The following CDH18 variants were observed in gnomAD, a reference collection of about 807,000 sequenced individuals.
CDH18 encodes cadherin-18.
CDH18 carries 31 observed loss-of-function variants against 67.9 expected under a neutral mutation model. The ratio of observed to expected loss-of-function variants is 0.46; its 90% CI spans 0.34 to 0.62. CDH18 has a LOEUF of 0.62. Ranked by LOEUF, CDH18 falls within the 20% of genes least tolerant of loss-of-function variation. The probability of loss-of-function intolerance (pLI) is 0.01; values close to 1 mark genes in which losing one functional copy is unlikely to be tolerated. For synonymous variants in CDH18, 362 were observed against 347.2 expected (o/e 1.04, Z -0.48); for missense variants, 890 against 975.5 (o/e 0.91, Z 1.17).
intron 7 of CDH18, among the ~76,000 whole-genome samples, chr5:19,579,192 T>C (rs1285274807): frequency 2.6e-5 from 4 of 151,954 alleles, no homozygotes; most frequent in African/African-American, 9.7e-5. Flanking sequence ...TTTATAGACA[T>C]ATTTCTTTGT....
intron 2 of CDH18, among the ~76,000 whole-genome samples, chr5:20,056,219 G>C (rs1233800849): frequency 1.3e-5 from 2 of 149,584 alleles, no homozygotes; most frequent in East Asian, 2.0e-4. Context: ...TGTCAGGCTG[G>C]TCTTGAACTA....
At chr5:20,015,139 C>A (rs747784608) in intron 2 of CDH18, among the ~76,000 whole-genome samples, 5 of 152,138 alleles carry the variant, frequency 3.3e-5, no homozygotes, top group African/African-American at 1.2e-4. Context: ...GGTAGATTTG[C>A]GTGCCATGTT....
chr5:19,799,471 CA>C (rs1777218039), intron 3 of CDH18, among the ~76,000 whole-genome samples: 2 of 149,090 alleles, frequency 1.3e-5, no homozygotes, highest in Non-Finnish European at 3.0e-5. Context: ...CACACACACA[CA>C]CCACATACAT....
At chr5:19,484,269 T>C (rs1739993994) in intron 11 of CDH18, among the ~76,000 whole-genome samples, 1 of 152,334 alleles carries the variant, frequency 6.6e-6, no homozygotes. Flanking sequence ...AAATAATTTT[T>C]GTTATAAATA....
chr5:20,202,609 G>A (rs1034894287), intron 2 of CDH18, among the ~76,000 whole-genome samples: 3 of 151,826 alleles, frequency 2.0e-5, no homozygotes, highest in Non-Finnish European at 4.4e-5. Context: ...AAATGAAAGA[G>A]TATTTTGTTC....
intron 1 of CDH18, among the ~76,000 whole-genome samples, chr5:20,359,903 C>T (rs553711338): frequency 3.3e-5 from 5 of 151,760 alleles, no homozygotes; most frequent in Non-Finnish European, 5.9e-5. Flanking sequence ...TATAACTTTA[C>T]AGCTTTGGGT....
At chr5:19,821,794 T>C (rs183142603) in intron 3 of CDH18, among the ~76,000 whole-genome samples, 31 of 152,116 alleles carry the variant, frequency 2.0e-4, no homozygotes, top group Non-Finnish European at 3.1e-4. Flanking sequence ...CCTGAAGAGA[T>C]CAGGGCCCTA....
intron 1 of CDH18, among the ~76,000 whole-genome samples, chr5:20,316,124 C>T (rs1737437717): frequency 1.3e-5 from 2 of 151,994 alleles, no homozygotes; most frequent in Non-Finnish European, 1.5e-5. Flanking sequence ...TTTTTGTTTT[C>T]AATAAGATGA....
At chr5:19,789,145 T>C (rs1021545407) in intron 3 of CDH18, among the ~76,000 whole-genome samples, 1 of 152,202 alleles carries the variant, frequency 6.6e-6, no homozygotes, top group African/African-American at 2.4e-5. Context: ...CACAGGGCAA[T>C]TGCCTTTACA....
chr5:19,959,360 G>T lies in CDH18; in HGVS notation c.-257+21700C>A, dbSNP rs1456630434. Among the ~76,000 whole-genome samples the T allele has an allele frequency of 2.0e-5, 3 of 151,914 alleles. No individual in the cohort carries two copies. In the East Asian group the frequency reaches 5.8e-4, roughly 29 times the overall value. ...CAGAAGATATACTAATGTATATTTA[G>T]TTATGGGAATTTTAAAAAATGCAAA... On this transcript the variant is annotated intron_variant, in intron 2 of 12. Transcript: ENST00000382275.
intron 2 of CDH18, among the ~76,000 whole-genome samples, chr5:20,232,175 T>A (rs756611969): frequency 2.0e-4 from 30 of 152,154 alleles, no homozygotes; most frequent in East Asian, 3.9e-4. Flanking sequence ...CTATTTATTT[T>A]TTTTTTTAAG....
chr5:19,925,432 G>A (rs932442174), intron 2 of CDH18, among the ~76,000 whole-genome samples: 7 of 152,102 alleles, frequency 4.6e-5, no homozygotes, highest in Non-Finnish European at 1.0e-4. Flanking sequence ...ACTGTGATCC[G>A]CAATTTATTG....
chr5:20,307,655 A>G (rs576202511), intron 1 of CDH18, among the ~76,000 whole-genome samples: 2 of 152,282 alleles, frequency 1.3e-5, no homozygotes, highest in Non-Finnish European at 2.9e-5. Context: ...ATAGAACCTG[A>G]AATGGAATTA....
chr5:19,626,110 T>C (rs1751495861), intron 5 of CDH18, among the ~76,000 whole-genome samples: 1 of 152,130 alleles, frequency 6.6e-6, no homozygotes, highest in Non-Finnish European at 1.5e-5. Context: ...GGTCACATTC[T>C]GAGTTACTGG....
chr5:20,016,625 G>T (rs1737905559), intron 2 of CDH18, among the ~76,000 whole-genome samples: 1 of 152,126 alleles, frequency 6.6e-6, no homozygotes, highest in South Asian at 2.1e-4. Context: ...CAGAGTGCTG[G>T]TTGAGGCAGA....
chr5:19,989,039 G>C (rs981113257), upstream of CDH18, among the ~76,000 whole-genome samples: 3 of 152,098 alleles, frequency 2.0e-5, no homozygotes, highest in Admixed American at 2.0e-4. Context: ...AATGTACATA[G>C]CTTTTGATAA....
intron 1 of CDH18, among the ~76,000 whole-genome samples, chr5:20,491,074 T>G (rs1026869885): frequency 6.6e-6 from 1 of 152,072 alleles, no homozygotes; most frequent in African/African-American, 2.4e-5. Flanking sequence ...TAATTTAAAC[T>G]AAAAGCATAC....
chr5:20,356,747 CTCTCTCTATA>C (rs1561999284), intron 1 of CDH18, among the ~76,000 whole-genome samples: 1 of 133,794 alleles, frequency 7.5e-6, no homozygotes, highest in Non-Finnish European at 1.5e-5. Context: ...CTCTCTCTCT[CTCTCTCTATA>C]TATATATATA....
At chr5:20,459,375 C>T (rs1751084163) in intron 1 of CDH18, among the ~76,000 whole-genome samples, 1 of 152,152 alleles carries the variant, frequency 6.6e-6, no homozygotes, top group Admixed American at 6.5e-5. Flanking sequence ...TTCCCAAAGC[C>T]ATATTACAGG....
Sources: allele counts gnomAD v4.1 joint callset (sites outside exome capture counted in the v4.1 genomes callset), GRCh38; gene constraint gnomAD v4.1.1; transcripts MANE v1.5; gene names NCBI Gene and HGNC (gene_info 2026-07-23, HGNC 2026-07-21).